SCN7A: variants seen among roughly 807,000 people sequenced by gnomAD.
SCN7A encodes sodium voltage-gated channel alpha subunit 7, also known as sodium channel protein type 7 subunit alpha.
In SCN7A, 138 loss-of-function variants were observed where a neutral mutation model predicts 155.2. That is an observed-to-expected ratio of 0.89 (90% CI 0.77 to 1.02). The LOEUF (loss-of-function observed/expected upper bound fraction) is 1.02, where lower values mean the gene tolerates loss of function less well. Among genes scored for constraint, SCN7A ranks in the 50% least tolerant of loss-of-function variants. SCN7A has a pLI of 0.00. For synonymous variants in SCN7A, 693 were observed against 649.0 expected (o/e 1.07, Z -1.03); for missense variants, 2,058 against 1,986.6 (o/e 1.04, Z -0.68).
intron 1 of SCN7A, among the ~76,000 whole-genome samples, chr2:166,487,983 G>T (rs1703089364): frequency 1.3e-5 from 2 of 152,100 alleles, no homozygotes. Flanking sequence ...CATTTAGATA[G>T]GTGTAAAAAC....
chr2:166,470,049 G>C (rs1702619616), intron 7 of SCN7A, among the ~76,000 whole-genome samples: 1 of 151,800 alleles, frequency 6.6e-6, no homozygotes, highest in African/African-American at 2.4e-5. Flanking sequence ...AAACTAGAAG[G>C]TGTTGGTGTG....
At chr2:166,490,480 A>G (rs1003067428) in intron 1 of SCN7A, among the ~76,000 whole-genome samples, 1 of 152,174 alleles carries the variant, frequency 6.6e-6, no homozygotes, top group Non-Finnish European at 1.5e-5. Flanking sequence ...CTGCTCTCCC[A>G]TGTTTCCTGC....
rs192767903 is a variant in SCN7A, at chr2:166,455,502, C to T, written c.1290+1368G>A. On this transcript the variant is annotated intron_variant, in intron 11 of 25. Coordinates refer to ENST00000643258, the MANE Select transcript of SCN7A (RefSeq NM_002976.4). ...AAGTGGGGGCTCAGCACTGGGCAAA[C>T]ATGGACCTAATAATGGGAACAACAG... 5.0e-3 allele frequency among the ~76,000 whole-genome samples: 753 copies of T among 152,098 alleles called. 6 individuals are homozygous for T. The highest frequency in any genetic ancestry group is 0.017 in the African/African-American group (716 of 41,496).
At chr2:166,472,290 A>G in intron 6 of SCN7A, 27 bp downstream of exon 6, 1 of 1,564,760 alleles carries the variant, frequency 6.4e-7, no homozygotes, top group Non-Finnish European at 8.6e-7. Flanking sequence ...AAACATTAAA[A>G]TAGACTCAAT....
At position 166,405,648 on chromosome 2, in the gene SCN7A, G is replaced by C. The variant is rs1377588515; in HGVS notation, c.4981C>G (p.His1661Asp). Residue 1661 changes from histidine (H) to aspartate (D), a missense_variant, in exon 26 of 26, where the codon CAT becomes GAT. His to Asp is a moderately conservative substitution (Grantham distance 81). Transcript: ENST00000643258. ...IHMIDGDRDV[H>D]ATKEGAYFDK... is the part of the protein sequence containing the mutation. ...AAATAGGCACCTTCTTTAGTAGCAT[G>C]AACATCTCTGTCACCATCTATCATA... 3 of 1,612,182 alleles carry C rather than the reference G, an allele frequency of 1.9e-6. No individual in the cohort carries two copies. The East Asian group carries it at 6.7e-5, about 36-fold the overall frequency.
At position 166,406,496 on chromosome 2, in the gene SCN7A, G is replaced by A. The variant is rs748037118; in HGVS notation, c.4133C>T (p.Pro1378Leu). ...GAGAAGAATGATGTTCAATAATGCT[G>A]GGAGGGACAGCATCAAAGGAAGCAT... ...NLMLPLMLSL[P>L]ALLNIILLIF... The change falls in exon 26 of 26, where the codon CCA becomes CTA. Residue 1378 changes from proline to leucine, a missense_variant. Coordinates refer to ENST00000643258, the MANE Select transcript of SCN7A (RefSeq NM_002976.4). 5 of 1,612,870 alleles carry A rather than the reference G, an allele frequency of 3.1e-6. No homozygotes were observed. In the Admixed American group the frequency reaches 8.4e-5, roughly 27 times the overall value.
rs1389649655 is a variant in SCN7A at position 166,409,887 on chromosome 2, T to G, written c.3760A>C (p.Asn1254His). The change falls in exon 25 of 26, where the codon AAT becomes CAT. Residue 1254 changes from asparagine to histidine, a missense_variant. Transcript: ENST00000643258. ...IFDVVTSQAF[N>H]VIVMVLICFQ... ...CATATAAGAACCATAACAATGACATTAAAAGCTTGGCTTGTTACCACATCA... is the reference window on the plus strand; with the variant it reads ...CATATAAGAACCATAACAATGACATGAAAAGCTTGGCTTGTTACCACATCA... The G allele has an allele frequency of 6.4e-7, 1 of 1,568,692 alleles. No homozygotes were observed. Among genetic ancestry groups the G allele is most frequent in the African/African-American group, 1.4e-5 (1 of 73,974 alleles).
intron 20 of SCN7A, among the ~76,000 whole-genome samples, chr2:166,420,953 C>T (rs1701497664): frequency 1.3e-5 from 2 of 151,862 alleles, no homozygotes; most frequent in Non-Finnish European, 2.9e-5. Flanking sequence ...TTTTCTCTCT[C>T]AAATACTAGT....
chr2:166,420,745 T>TA (rs1443502361), intron 20 of SCN7A, among the ~76,000 whole-genome samples: 1 of 152,002 alleles, frequency 6.6e-6, no homozygotes, highest in Non-Finnish European at 1.5e-5. Flanking sequence ...ATTGTGACAT[T>TA]AAAAAAGTAA....
At chr2:166,426,329 G>A (rs780849752) in intron 18 of SCN7A, among the ~76,000 whole-genome samples, 4 of 152,170 alleles carry the variant, frequency 2.6e-5, no homozygotes, top group East Asian at 1.9e-4. Context: ...GGAGAAAGGC[G>A]TAGTATGGAG....
intron 7 of SCN7A, 47 bp downstream of exon 7, chr2:166,470,568 A>T (rs1239971877): frequency 6.7e-7 from 1 of 1,484,266 alleles, no homozygotes; most frequent in Non-Finnish European, 9.2e-7. Context: ...AATACATGGC[A>T]GTACATAAAA....
chr2:166,443,404 T>C, intron 14 of SCN7A, 99 bp downstream of exon 14: 1 of 947,698 alleles, frequency 1.1e-6, no homozygotes, highest in Middle Eastern at 2.2e-4. Flanking sequence ...ATGCTCCCAA[T>C]GTCCCAATGG....
chr2:166,443,763 TTTAC>T, intron 13 of SCN7A, 87 bp from the exon 14 acceptor site: 4 of 934,538 alleles, frequency 4.3e-6, no homozygotes, highest in Admixed American at 2.9e-5. Context: ...ACACACACTG[TTTAC>T]TTGTCACTCT....
At chr2:166,446,096 C>A (rs1005896972) in intron 12 of SCN7A, among the ~76,000 whole-genome samples, 1 of 152,114 alleles carries the variant, frequency 6.6e-6, no homozygotes, top group African/African-American at 2.4e-5. Flanking sequence ...AGACAACCTA[C>A]AGAATGGGAG....
chr2:166,465,472 T>G lies in SCN7A; in HGVS notation c.931A>C (p.Thr311Pro). 6.2e-7 allele frequency: 1 copy of G among 1,609,212 alleles called. No individual in the cohort carries two copies. Residue 311 changes from threonine to proline, a missense_variant, in exon 9 of 26, where the codon ACA (threonine) becomes CCA (proline). Coordinates refer to ENST00000643258, the MANE Select transcript of SCN7A (RefSeq NM_002976.4). ...ACTAATACCACCTACCCAGCATCTG[T>G]CCTGTTGCCACAAAGGAGAGCATAT... ...ERYALLCGNR[T>P]DAGQCPEGYV...
intron 9 of SCN7A, among the ~76,000 whole-genome samples, chr2:166,462,948 C>T (rs1321653600): frequency 2.0e-5 from 3 of 152,056 alleles, no homozygotes; most frequent in Non-Finnish European, 4.4e-5. Flanking sequence ...TTAAATCTAT[C>T]GTCTTATCAT....
intron 12 of SCN7A, among the ~76,000 whole-genome samples, chr2:166,447,164 T>C (rs1327405779): frequency 6.6e-6 from 1 of 152,126 alleles, no homozygotes; most frequent in Non-Finnish European, 1.5e-5. Context: ...TGTAGGGACA[T>C]CTCTCAAGAA....
chr2:166,490,525 C>T (rs1266653011), intron 1 of SCN7A, among the ~76,000 whole-genome samples: 1 of 152,096 alleles, frequency 6.6e-6, no homozygotes, highest in African/African-American at 2.4e-5. Flanking sequence ...ATGGAAGAAA[C>T]CTAAGTATCC....
intron 1 of SCN7A, among the ~76,000 whole-genome samples, chr2:166,489,927 T>TA: frequency 6.6e-6 from 1 of 152,192 alleles, no homozygotes; most frequent in Middle Eastern, 3.4e-3. Flanking sequence ...ACTGCCATTT[T>TA]AAAAAATATT....
Sources: allele counts gnomAD v4.1 joint callset (sites outside exome capture counted in the v4.1 genomes callset), GRCh38; gene constraint gnomAD v4.1.1; transcripts MANE v1.5; gene names NCBI Gene and HGNC (gene_info 2026-07-23, HGNC 2026-07-21).